Variants in CAMTA1 observed in about 807,000 individuals in gnomAD.
CAMTA1 encodes the protein calmodulin-binding transcription activator 1.
In CAMTA1, 27 loss-of-function variants were observed where a neutral mutation model predicts 170.9. The observed-to-expected ratio is 0.16, with a 90% confidence interval of 0.12 to 0.22. The LOEUF is 0.22. Ranked by LOEUF, CAMTA1 falls within the 10% of genes least tolerant of loss-of-function variation. CAMTA1 has a pLI of 1.00. For missense variants in CAMTA1, 1,619 were observed against 2,217.2 expected (o/e 0.73, Z 5.42); for synonymous variants, 833 against 891.5 (o/e 0.93, Z 1.17).
At chr1:7,329,870 T>C (rs1410289590) in intron 5 of CAMTA1, among the ~76,000 whole-genome samples, 1 of 152,222 alleles carries the variant, frequency 6.6e-6, no homozygotes, top group African/African-American at 2.4e-5. Context: ...TTTTTTATTA[T>C]TATGAAAATA....
chr1:7,036,752 C>T (rs895586936), intron 3 of CAMTA1, among the ~76,000 whole-genome samples: 2 of 152,172 alleles, frequency 1.3e-5, no homozygotes, highest in Non-Finnish European at 1.5e-5. Context: ...TTCTGCTAAG[C>T]GAGTTGGCTC....
chr1:7,503,342 A>G (rs2094041704), intron 6 of CAMTA1, among the ~76,000 whole-genome samples: 1 of 152,194 alleles, frequency 6.6e-6, no homozygotes, highest in Non-Finnish European at 1.5e-5. Context: ...GTGCTTCAGA[A>G]GGTGTGCTTA....
At chr1:6,823,242 T>G (rs1470495868) in intron 2 of CAMTA1, among the ~76,000 whole-genome samples, 1 of 152,098 alleles carries the variant, frequency 6.6e-6, no homozygotes, top group Admixed American at 6.6e-5. Flanking sequence ...CTTTAAAGTT[T>G]TATGGCCCGT....
intron 4 of CAMTA1, among the ~76,000 whole-genome samples, chr1:7,141,104 G>A (rs530338968): frequency 2.0e-5 from 3 of 152,128 alleles, no homozygotes; most frequent in Admixed American, 6.5e-5. Flanking sequence ...GCAGGCCAAA[G>A]GGTAGCTCCC....
At chr1:7,514,994 G>A (rs2094260693) in intron 6 of CAMTA1, among the ~76,000 whole-genome samples, 1 of 152,126 alleles carries the variant, frequency 6.6e-6, no homozygotes, top group Non-Finnish European at 1.5e-5. Flanking sequence ...AGGATCATCA[G>A]GCCGGCCCTC....
chr1:7,079,300 A>C (rs1440775094), intron 3 of CAMTA1, among the ~76,000 whole-genome samples: 1 of 152,194 alleles, frequency 6.6e-6, no homozygotes, highest in Non-Finnish European at 1.5e-5. Context: ...AGTAAAGCCT[A>C]AAGCCTAATG....
chr1:7,061,452 G>A (rs1368072142), intron 3 of CAMTA1, among the ~76,000 whole-genome samples: 3 of 152,284 alleles, frequency 2.0e-5, no homozygotes, highest in African/African-American at 7.2e-5. Flanking sequence ...GAGTAGCGGC[G>A]TCTGTGCCAG....
chr1:6,798,051 C>T (rs1334433338), intron 1 of CAMTA1, among the ~76,000 whole-genome samples: 6 of 148,590 alleles, frequency 4.0e-5, no homozygotes, highest in East Asian at 2.0e-4. Flanking sequence ...GGCTGCAGTG[C>T]GATGGCGCGA....
At chr1:7,351,362 A>C (rs1277445177) in intron 5 of CAMTA1, among the ~76,000 whole-genome samples, 1 of 152,258 alleles carries the variant, frequency 6.6e-6, no homozygotes, top group Admixed American at 6.5e-5. Flanking sequence ...GAATGCCGCC[A>C]GGCTCCTGAG....
chr1:7,644,601 G>A (rs2095790509), intron 7 of CAMTA1, among the ~76,000 whole-genome samples: 1 of 152,174 alleles, frequency 6.6e-6, no homozygotes, highest in South Asian at 2.1e-4. Flanking sequence ...GGTCCAAAAT[G>A]GCTACTCCAG....
intron 3 of CAMTA1, among the ~76,000 whole-genome samples, chr1:7,090,220 G>A (rs748963711): frequency 8.0e-4 from 121 of 152,112 alleles, no homozygotes; most frequent in Non-Finnish European, 1.5e-3. Flanking sequence ...TCTGCTTACC[G>A]GGCTTCTCTT....
At chr1:7,653,697 A>G (rs549039590) in intron 7 of CAMTA1, among the ~76,000 whole-genome samples, 182 of 151,914 alleles carry the variant, frequency 1.2e-3, no homozygotes, top group Non-Finnish European at 2.2e-3. Flanking sequence ...GGAAATGATG[A>G]ACCAATTAAA....
intron 5 of CAMTA1, among the ~76,000 whole-genome samples, chr1:7,268,500 A>G (rs941263103): frequency 3.9e-5 from 6 of 152,178 alleles, no homozygotes; most frequent in African/African-American, 1.4e-4. Context: ...TCAAGTTCAA[A>G]CTAGTCGGTG....
chr1:7,103,350 GCA>G lies in CAMTA1; in HGVS notation c.302+11986_302+11987del, dbSNP rs565156242. Among the ~76,000 whole-genome samples, 341 of 151,634 alleles carry G rather than the reference GCA, an allele frequency of 2.2e-3. 2 individuals are homozygous for G. The highest frequency in any genetic ancestry group is 7.8e-3 in the African/African-American group (324 of 41,310). On this transcript the variant is annotated intron_variant, in intron 4 of 22. Transcript: ENST00000303635. The stretch of plus-strand genomic sequence containing the variant: ...CACATATACACACAACTACACACAT[GCA>G]CACACAACACACACATATATACACA...
chr1:7,515,228 T>A (rs941408469), intron 6 of CAMTA1, among the ~76,000 whole-genome samples: 4 of 152,144 alleles, frequency 2.6e-5, no homozygotes, highest in Non-Finnish European at 5.9e-5. Context: ...ATCCCAGGTG[T>A]CCCCTTGCTC....
chr1:6,804,998 A>G (rs1644352721), intron 1 of CAMTA1, among the ~76,000 whole-genome samples: 1 of 152,204 alleles, frequency 6.6e-6, no homozygotes, highest in South Asian at 2.1e-4. Flanking sequence ...TTTGTGTACA[A>G]GCTTTTATAT....
Position 6,933,575 on chromosome 1 carries a change from G to A in CAMTA1, c.234+108365G>A, listed in dbSNP as rs140303603. 1.1e-4 allele frequency among the ~76,000 whole-genome samples: 17 copies of A among 151,940 alleles called. No homozygotes were observed. In the East Asian group the frequency reaches 1.5e-3, roughly 14 times the overall value. On this transcript the variant is annotated intron_variant, in intron 3 of 22. Coordinates refer to ENST00000303635, the MANE Select transcript of CAMTA1 (RefSeq NM_015215.4). The stretch of plus-strand genomic sequence containing the variant: ...GTGCCTGGCCTTCTCCTATGTTTTC[G>A]TCTCAGAATTTTATAGATTTTAAAA...
intron 5 of CAMTA1, among the ~76,000 whole-genome samples, chr1:7,344,669 C>A (rs1245950708): frequency 6.6e-6 from 1 of 151,936 alleles, no homozygotes; most frequent in Non-Finnish European, 1.5e-5. Context: ...CCCTCACCAG[C>A]ATTTCCCTGT....
At chr1:7,213,972 T>G (rs1356226931) in intron 4 of CAMTA1, among the ~76,000 whole-genome samples, 2 of 152,194 alleles carry the variant, frequency 1.3e-5, no homozygotes, top group African/African-American at 2.4e-5. Flanking sequence ...TATTCCATGG[T>G]GTATATGTGC....
Sources: allele counts gnomAD v4.1 joint callset (sites outside exome capture counted in the v4.1 genomes callset), GRCh38; gene constraint gnomAD v4.1.1; transcripts MANE v1.5; gene names NCBI Gene and HGNC (gene_info 2026-07-23, HGNC 2026-07-21).